The following OARD1 variants were observed in gnomAD, a reference collection of about 807,000 sequenced individuals.
OARD1 encodes the protein ADP-ribose glycohydrolase OARD1.
A neutral mutation model predicts 19.7 loss-of-function variants in OARD1; 19 were observed. That is an observed-to-expected ratio of 0.96 (90% CI 0.67 to 1.41). OARD1 has a LOEUF of 1.41. OARD1 is among the 40% of genes most tolerant of loss of function. The pLI, the probability that OARD1 is intolerant of heterozygous loss-of-function variation, is 0.00. For missense variants in OARD1, 190 were observed against 183.8 expected, an observed-to-expected ratio of 1.03 and a Z score of -0.20; for synonymous variants, 70 against 61.8, an observed-to-expected ratio of 1.13 and a Z score of -0.62.
chr6:41,082,347 T>C (rs1763933383), intron 1 of OARD1, among the ~76,000 whole-genome samples: 1 of 152,246 alleles, frequency 6.6e-6, no homozygotes, highest in African/African-American at 2.4e-5. Context: ...CTTACTCATA[T>C]ATAAAACAGT....
chr6:41,074,694 T>C (rs1464226272), upstream of OARD1, among the ~76,000 whole-genome samples: 1 of 152,256 alleles, frequency 6.6e-6, no homozygotes, highest in African/African-American at 2.4e-5. Context: ...AAAATACTTG[T>C]ATATCTTGCT....
At chr6:41,092,800 A>G in intron 1 of OARD1, 1 of 1,105,084 alleles carries the variant, frequency 9.0e-7, no homozygotes. Flanking sequence ...AGTACCCTAT[A>G]AAAATTACTT....
intron 5 of OARD1, 52 bp from the exon 6 acceptor site, chr6:41,067,489 T>C (rs768301317): frequency 4.8e-6 from 6 of 1,237,372 alleles, no homozygotes; most frequent in Non-Finnish European, 7.1e-6. Context: ...TCTAGGAAAC[T>C]GCTCCTCTCT....
intron 1 of OARD1, among the ~76,000 whole-genome samples, chr6:41,093,847 C>T (rs1195688085): frequency 6.6e-6 from 1 of 152,186 alleles, no homozygotes; most frequent in Non-Finnish European, 1.5e-5. Context: ...CCTGATCACA[C>T]CTAACATGCA....
Position 41,068,908 on chromosome 6 carries a change from G to C in OARD1, c.289C>G (p.Gln97Glu). The change falls in exon 5 of 6, where the codon CAG becomes GAG. Residue 97 changes from glutamine to glutamate, a missense_variant. Coordinates refer to ENST00000424266, the MANE Select transcript of OARD1 (RefSeq NM_001329686.2). ...GACTTCATTGCCTCTAAACTCTTCT[G>C]TAAGTTTTCATAAGTTGGCTTGTGC... is the stretch of plus-strand genomic sequence containing the variant. The part of the protein sequence containing the change: ...ASHKPTYENL[Q>E]KSLEAMKSHC... The C allele has an allele frequency of 1.2e-6, 2 of 1,610,236 alleles. No individual in the cohort carries two copies. The highest frequency in any genetic ancestry group is 1.7e-6 in the Non-Finnish European group (2 of 1,178,024).
chr6:41,084,202 A>G, intron 1 of OARD1: 1 of 1,613,338 alleles, frequency 6.2e-7, no homozygotes, highest in South Asian at 1.1e-5. Flanking sequence ...AGTGAGTAAT[A>G]TTTAAAAATA....
chr6:41,092,190 T>G (rs1464347543), intron 1 of OARD1, among the ~76,000 whole-genome samples: 1 of 152,130 alleles, frequency 6.6e-6, no homozygotes, highest in Non-Finnish European at 1.5e-5. Flanking sequence ...AAATTAAGAA[T>G]GAGTAACAGA....
intron 2 of OARD1, 80 bp downstream of exon 2, chr6:41,071,515 AT>A (rs1299828595): frequency 8.0e-7 from 1 of 1,243,856 alleles, no homozygotes; most frequent in Non-Finnish European, 1.2e-6. Context: ...GCAATCATTA[AT>A]TTAATTAAAA....
intron 1 of OARD1, chr6:41,093,051 T>C: frequency 6.2e-7 from 1 of 1,614,040 alleles, no homozygotes; most frequent in Non-Finnish European, 8.5e-7. Flanking sequence ...CGAGCTAAAC[T>C]AGAGGCAGAA....
In OARD1 at chr6:41,097,452, A is replaced by G. The variant is rs368174672; in HGVS notation, c.-42+261T>C. ...GGAGCTGATCAAGGTCATGTTTCTC[A>G]CTGTTCCAGGAAATTGATCAACTCT... On this transcript the variant is annotated intron_variant, in intron 1 of 4. Coordinates refer to the OARD1 transcript ENST00000480585. 19 of 1,599,222 alleles carry G rather than the reference A, an allele frequency of 1.2e-5. No individual in the cohort carries two copies. The East Asian group carries it at 1.6e-4, about 13-fold the overall frequency.
intron 4 of OARD1, chr6:41,069,854 C>T: frequency 1.7e-6 from 1 of 603,814 alleles, no homozygotes; most frequent in East Asian, 3.1e-5. Flanking sequence ...GACTTTCCCA[C>T]AGAGCTGGGA....
chr6:41,094,590 T>G (rs1764296429), intron 1 of OARD1: 1 of 871,490 alleles, frequency 1.1e-6, no homozygotes, highest in Non-Finnish European at 1.9e-6. Flanking sequence ...ATTTTCCTAC[T>G]CTGGGACTAC....
chr6:41,072,091 C>G (rs1388909622), intron 1 of OARD1, 145 bp downstream of exon 1: 3 of 180,312 alleles, frequency 1.7e-5, no homozygotes, highest in Non-Finnish European at 2.4e-5. Context: ...GCCGCAACCA[C>G]AGAGTGTACA....
intron 1 of OARD1, among the ~76,000 whole-genome samples, chr6:41,092,599 G>C (rs561713789): frequency 1.3e-4 from 20 of 151,910 alleles, no homozygotes; most frequent in Non-Finnish European, 2.4e-4. Flanking sequence ...CTGTTTTTTT[G>C]TCTTATGACT....
upstream of OARD1, among the ~76,000 whole-genome samples, chr6:41,073,333 C>A (rs1189087985): frequency 1.3e-5 from 2 of 151,758 alleles, no homozygotes; most frequent in Non-Finnish European, 2.9e-5. Flanking sequence ...CCTCGGGGCT[C>A]CGACCCTCGC....
intron 1 of OARD1, among the ~76,000 whole-genome samples, chr6:41,081,248 G>A (rs1763896663): frequency 1.3e-5 from 2 of 152,144 alleles, no homozygotes; most frequent in African/African-American, 4.8e-5. Flanking sequence ...CCAGCACTTT[G>A]GGAGGCCGAG....
At chr6:41,091,688 G>A in intron 1 of OARD1, 1 of 1,608,708 alleles carries the variant, frequency 6.2e-7, no homozygotes, top group Non-Finnish European at 8.5e-7. Flanking sequence ...CAGGAGGGAT[G>A]GTCATGGTAA....
At chr6:41,081,075 A>G (rs908862505) in intron 1 of OARD1, among the ~76,000 whole-genome samples, 1 of 152,250 alleles carries the variant, frequency 6.6e-6, no homozygotes. Flanking sequence ...ATGCCAAGTC[A>G]TATAGAGACC....
intron 1 of OARD1, chr6:41,078,880 G>C (rs1048432344): frequency 3.9e-6 from 2 of 507,700 alleles, no homozygotes; most frequent in Non-Finnish European, 7.0e-6. Flanking sequence ...TGTAATCCCA[G>C]TTAAAAATGA....
Sources: gnomAD v4.1 joint callset for allele counts (sites outside exome capture counted in the v4.1 genomes callset) on GRCh38, gnomAD v4.1.1 for gene constraint, MANE v1.5 for transcripts, NCBI Gene and HGNC (gene_info 2026-07-23, HGNC 2026-07-21) for gene names.